ANKS6: variants seen among roughly 807,000 people sequenced by gnomAD.
ANKS6 encodes ankyrin repeat and SAM domain-containing protein 6.
In ANKS6, 47 loss-of-function variants were observed where a neutral mutation model predicts 77.9. The observed-to-expected ratio is 0.60, with a 90% CI of 0.48 to 0.77. ANKS6 has a LOEUF of 0.77. ANKS6 is among the 30% of genes least tolerant of loss of function. The pLI, the probability that ANKS6 is intolerant of heterozygous loss-of-function variation, is 0.00. For synonymous variants in ANKS6, 488 were observed against 501.7 expected (o/e 0.97, Z 0.37); for missense variants, 1,150 against 1,159.1 (o/e 0.99, Z 0.11).
Position 98,778,190 on chromosome 9 carries a change from T to C in ANKS6, c.1567+36A>G, listed in dbSNP as rs756363981. The C allele has an allele frequency of 6.2e-6, 10 of 1,610,744 alleles. No individual in the cohort carries two copies. The South Asian group carries it at 1.1e-4, about 18-fold the overall frequency. On this transcript the variant is annotated intron_variant, in intron 7 of 14. Transcript: ENST00000353234. ...GGCAGAGGGTACAGGCTCAGACCAT[T>C]CCAAAAATTCTACTGCACATGCAGA...
Position 98,732,613 on chromosome 9 carries a change from G to C in ANKS6, c.*3906C>G. Reference sequence around the variant, plus strand: ...ATGAGAGATGAAAGGATTTAAAATGGGCAACCATCTTTGAGGTTTCCCACA... The same window carrying C: ...ATGAGAGATGAAAGGATTTAAAATGCGCAACCATCTTTGAGGTTTCCCACA... On this transcript the variant is annotated 3_prime_UTR_variant, in exon 15 of 15. Coordinates refer to ENST00000353234, the MANE Select transcript of ANKS6 (RefSeq NM_173551.5). 8 of 1,549,698 alleles carry C rather than the reference G, an allele frequency of 5.2e-6. No individual in the cohort carries two copies. The highest frequency in any genetic ancestry group is 7.0e-6 in the Non-Finnish European group (8 of 1,146,798).
intron 8 of ANKS6, among the ~76,000 whole-genome samples, chr9:98,776,664 G>C (rs1588392143): frequency 6.6e-6 from 1 of 152,326 alleles, no homozygotes; most frequent in East Asian, 1.9e-4. Context: ...GCCTCCCAAA[G>C]TGCTGGGATT....
rs117846104 is a variant in ANKS6, at chr9:98,735,040, G to A, written c.*1479C>T. The A allele has an allele frequency of 0.019, 18,888 of 985,414 alleles. 196 individuals are homozygous for A. The highest frequency in any genetic ancestry group is 0.021 in the Non-Finnish European group (17,222 of 829,926). 61.0% of individuals were successfully genotyped at this position (985,414 alleles called of 1,614,324 possible). ...AATGGGCTTTCATGGCTGGGGGAGG[G>A]ACAGATGAGAGATGGCACCTCCCAA... On this transcript the variant is annotated 3_prime_UTR_variant, in exon 15 of 15. Coordinates refer to ENST00000353234, the MANE Select transcript of ANKS6 (RefSeq NM_173551.5).
intron 10 of ANKS6, 117 bp downstream of exon 10, chr9:98,770,779 A>G (rs2118030831): frequency 9.2e-7 from 1 of 1,088,080 alleles, no homozygotes; most frequent in Non-Finnish European, 1.2e-6. Context: ...TTAAGGAGAA[A>G]GTGCCTCTTG....
At position 98,751,087 on chromosome 9, in the gene ANKS6, G is replaced by C. The variant is rs1280431978; in HGVS notation, c.2336C>G (p.Thr779Ser). The C allele has an allele frequency of 1.9e-6, 3 of 1,608,168 alleles. No individual in the cohort carries two copies. The highest frequency in any genetic ancestry group is 2.5e-6 in the Non-Finnish European group (3 of 1,177,758). ...SGTITDEDEL[T>S]GILKKLSLEK... ...AAGTGATAATTTCTTAAGGATTCCA[G>C]TCAGTTCATCTTCAAGATGGAAAGG... Residue 779 changes from threonine (T) to serine (S), a missense_variant, in exon 13 of 15, where the codon ACT (threonine) becomes AGT (serine). Transcript: ENST00000353234.
rs549721994 is a variant in ANKS6 at position 98,780,273 on chromosome 9, C to T, written c.1284G>A (p.Pro428=). The T allele has an allele frequency of 1.3e-5, 21 of 1,612,452 alleles. No homozygotes were observed. The highest frequency in any genetic ancestry group is 6.7e-5 in the Admixed American group (4 of 59,816). ...AGTGGGGCAGGGGAGGCTGGTGGCT[C>T]GGCCGGCCTTTGTCTTTATTCACCT... is the stretch of plus-strand genomic sequence containing the variant. ...CMQVNKDKGR[P]SHQPPLPHSK... is the part of the protein sequence containing the mutation. The change falls in exon 6 of 15, where the codon CCG becomes CCA. Residue 428 remains proline (P), a synonymous_variant. Transcript: ENST00000353234.
At chr9:98,793,420 C>T (rs370937026) in intron 1 of ANKS6, among the ~76,000 whole-genome samples, 8 of 152,324 alleles carry the variant, frequency 5.3e-5, no homozygotes, top group African/African-American at 1.9e-4. Context: ...ATAGTACCTC[C>T]TTCCTAAGGT....
At chr9:98,786,792 A>AC (rs1834598683) in intron 2 of ANKS6, among the ~76,000 whole-genome samples, 1 of 152,184 alleles carries the variant, frequency 6.6e-6, no homozygotes, top group African/African-American at 2.4e-5. Flanking sequence ...AAAGAGTGTC[A>AC]CCTGGTCTTA....
At chr9:98,777,282 C>T (rs531563530) in intron 8 of ANKS6, 123 bp downstream of exon 8, 135 of 1,059,240 alleles carry the variant, frequency 1.3e-4, no homozygotes, top group Non-Finnish European at 1.8e-4. Flanking sequence ...GTTACACATT[C>T]TCATCACCAA....
In ANKS6 at chr9:98,732,392, C is replaced by T; in HGVS notation, c.*4127G>A. On this transcript the variant is annotated 3_prime_UTR_variant, in exon 15 of 15. Transcript: ENST00000353234. The stretch of plus-strand genomic sequence containing the variant: ...CTATCTTTCTTTCTGTCTGCCATGC[C>T]AGGAAATCCAGTGACAGCAAGACCC... 1 of 1,226,814 alleles carries T rather than the reference C, an allele frequency of 8.2e-7. No homozygotes were observed. The highest frequency in any genetic ancestry group is 2.1e-4 in the Middle Eastern group (1 of 4,774). The allele number at this position is 1,226,814 out of a possible 1,614,324, so 76.0% of individuals were successfully genotyped here.
chr9:98,752,703 G>T (rs530043745), intron 12 of ANKS6, among the ~76,000 whole-genome samples: 50 of 152,308 alleles, frequency 3.3e-4, no homozygotes, highest in African/African-American at 1.0e-3. Flanking sequence ...ACCACATCTT[G>T]GGTGAGGTCA....
chr9:98,784,779 A>G lies in ANKS6; in HGVS notation c.907+53T>C, dbSNP rs937433415. On this transcript the variant is annotated intron_variant, in intron 3 of 14. Coordinates refer to ENST00000353234, the MANE Select transcript of ANKS6 (RefSeq NM_173551.5). ...AAAGGACTACAAATATTAGGTTGGGAGAATGTAGCCCTATATTCTTAAATA... is the reference window on the plus strand; with the variant it reads ...AAAGGACTACAAATATTAGGTTGGGGGAATGTAGCCCTATATTCTTAAATA... The G allele has an allele frequency of 2.7e-6, 4 of 1,499,198 alleles. No individual in the cohort carries two copies. In the Admixed American group the frequency reaches 5.4e-5, roughly 20 times the overall value. 92.9% of individuals were successfully genotyped at this position (1,499,198 alleles called of 1,614,324 possible). A position where few individuals can be genotyped will look rare whatever the true frequency, so the allele number is the denominator to read the frequency against.
chr9:98,773,859 T>C lies in ANKS6; in HGVS notation c.1821+18A>G. 6.6e-7 allele frequency: 1 copy of C among 1,509,392 alleles called. No homozygotes were observed. 93.5% of individuals were successfully genotyped at this position (1,509,392 alleles called of 1,614,324 possible). ...GAGCAGTGAGTGATGTGTAAAAGTG[T>C]GTCAGAAGACAACTTACAGTGTCTG... On this transcript the variant is annotated intron_variant, in intron 9 of 14. Transcript: ENST00000353234.
Position 98,796,382 on chromosome 9 carries a change from G to C in ANKS6, c.110C>G (p.Ala37Gly). 9.9e-7 allele frequency: 1 copy of C among 1,011,204 alleles called. No individual in the cohort carries two copies. Among genetic ancestry groups the C allele is most frequent in the Non-Finnish European group, 1.2e-6 (1 of 849,066 alleles). The allele number at this position is 1,011,204 out of a possible 1,614,324, so 62.6% of individuals were successfully genotyped here. A position where few individuals can be genotyped will look rare whatever the true frequency, so the allele number is the denominator to read the frequency against. ...CGCCTCCGGCTCCGCGCCGCGCTCG[G>C]CTGGCTCCGCCGCCCCCGGCTCCAG... ...RLLEPGAAEP[A>G]ERGAEPEAGA... Residue 37 changes from alanine to glycine, a missense_variant, in exon 1 of 15, where the codon GCC (alanine) becomes GGC (glycine). Ala to Gly is a moderately conservative substitution (Grantham distance 60, BLOSUM62 0). Transcript: ENST00000353234.
chr9:98,760,062 G>A lies in ANKS6; in HGVS notation c.2143-3459C>T, dbSNP rs74630771. ...CAGATCTGATCACTATATAGTATAT[G>A]TATCTAAACATCACTATGTACCCCC... On this transcript the variant is annotated intron_variant, in intron 11 of 14. Transcript: ENST00000353234. Among the ~76,000 whole-genome samples the A allele has an allele frequency of 7.1e-3, 1,078 of 152,220 alleles. 11 individuals are homozygous for A. Among genetic ancestry groups the A allele is most frequent in the African/African-American group, 0.025 (1,028 of 41,528 alleles).
At chr9:98,785,915 C>A in intron 2 of ANKS6, among the ~76,000 whole-genome samples, 1 of 152,144 alleles carries the variant, frequency 6.6e-6, no homozygotes, top group East Asian at 1.9e-4. Context: ...TTGCAGGGAT[C>A]AAATGATAAT....
chr9:98,795,026 G>T (rs981921889), intron 1 of ANKS6, among the ~76,000 whole-genome samples: 3 of 152,080 alleles, frequency 2.0e-5, no homozygotes, highest in Non-Finnish European at 4.4e-5. Context: ...TTTCTGCTGC[G>T]GAGGGACCAG....
chr9:98,769,334 C>T (rs926207323), intron 10 of ANKS6, among the ~76,000 whole-genome samples: 10 of 152,130 alleles, frequency 6.6e-5, no homozygotes, highest in Non-Finnish European at 1.5e-4. Context: ...TACTCACAAA[C>T]TCAGCCACCC....
Position 98,778,459 on chromosome 9 carries a change from AG to A in ANKS6, c.1369-36del, listed in dbSNP as rs749143971. 4.2e-5 allele frequency: 67 copies of A among 1,602,082 alleles called. No individual in the cohort carries two copies. The East Asian group carries it at 1.1e-3, about 26-fold the overall frequency. On this transcript the variant is annotated intron_variant, in intron 6 of 14. Coordinates refer to ENST00000353234, the MANE Select transcript of ANKS6 (RefSeq NM_173551.5). ...GAACGCAGAGCAGAAGTCATGCTCC[AG>A]GAAGGGCAAGGAGACCAGGCCCAGG...
Sources: allele counts gnomAD v4.1 joint callset (sites outside exome capture counted in the v4.1 genomes callset), GRCh38; gene constraint gnomAD v4.1.1; transcripts MANE v1.5; gene names NCBI Gene and HGNC (gene_info 2026-07-23, HGNC 2026-07-21).